ELAVL4: variants seen among roughly 807,000 people sequenced by gnomAD.
ELAVL4 encodes ELAV-like protein 4.
In ELAVL4, 1 loss-of-function variant was observed where a neutral mutation model predicts 35.6. The observed-to-expected ratio is 0.03, with a 90% confidence interval of 0.01 to 0.13. ELAVL4 has a LOEUF of 0.13. Ranked by LOEUF, ELAVL4 falls within the 10% of genes least tolerant of loss-of-function variation. ELAVL4 has a pLI of 1.00. For synonymous variants in ELAVL4, 156 were observed against 171.0 expected, an observed-to-expected ratio of 0.91 and a Z score of 0.69; for missense variants, 267 against 464.9, an observed-to-expected ratio of 0.57 and a Z score of 3.91.
At chr1:50,075,930 C>T (rs1000503012) in intron 1 of ELAVL4, among the ~76,000 whole-genome samples, 5 of 152,038 alleles carry the variant, frequency 3.3e-5, no homozygotes, top group Non-Finnish European at 7.4e-5. Context: ...CGGGTTCAAG[C>T]GATTCTCATG....
At chr1:50,100,049 T>C (rs1454704545), upstream of ELAVL4, among the ~76,000 whole-genome samples, 1 of 152,230 alleles carries the variant, frequency 6.6e-6, no homozygotes, top group East Asian at 1.9e-4. Flanking sequence ...TGGTATGTTA[T>C]AGAGAAAAGA....
chr1:50,101,555 C>G (rs542790173), upstream of ELAVL4, among the ~76,000 whole-genome samples: 39 of 151,924 alleles, frequency 2.6e-4, 2 homozygotes, highest in South Asian at 7.7e-3. Flanking sequence ...GCATGACTTT[C>G]ACCTTCCCTT....
intron 1 of ELAVL4, among the ~76,000 whole-genome samples, chr1:50,117,932 CCTAG>C (rs2148573052): frequency 6.6e-6 from 1 of 152,212 alleles, no homozygotes; most frequent in South Asian, 2.1e-4. Context: ...TCTGCATCCT[CCTAG>C]GATTTCACAA....
intron 5 of ELAVL4, 55 bp downstream of exon 5, chr1:50,195,841 G>C: frequency 6.3e-7 from 1 of 1,599,086 alleles, no homozygotes; most frequent in Admixed American, 1.7e-5. Flanking sequence ...AGCTGGGCAA[G>C]AGCCAGGGAA....
chr1:50,116,922 C>T (rs1572238544), intron 1 of ELAVL4, among the ~76,000 whole-genome samples: 1 of 152,118 alleles, frequency 6.6e-6, no homozygotes, highest in African/African-American at 2.4e-5. Flanking sequence ...AGTACAGTTC[C>T]CACAAGTCCA....
intron 1 of ELAVL4, among the ~76,000 whole-genome samples, chr1:50,078,302 G>T (rs983551723): frequency 6.6e-6 from 1 of 152,066 alleles, no homozygotes; most frequent in African/African-American, 2.4e-5. Context: ...AATATGGAGT[G>T]GGGGAAGTGA....
At chr1:50,169,863 T>C (rs746840442) in intron 2 of ELAVL4, among the ~76,000 whole-genome samples, 1 of 152,196 alleles carries the variant, frequency 6.6e-6, no homozygotes, top group African/African-American at 2.4e-5. Flanking sequence ...GTTATATGTA[T>C]TATTTTTGCT....
At chr1:50,052,372 G>T (rs1572093518) in intron 1 of ELAVL4, among the ~76,000 whole-genome samples, 1 of 152,130 alleles carries the variant, frequency 6.6e-6, no homozygotes, top group Admixed American at 6.5e-5. Flanking sequence ...TATAACTGAA[G>T]CTGAGTTAGG....
intron 1 of ELAVL4, among the ~76,000 whole-genome samples, chr1:50,116,316 C>T (rs1667930360): frequency 1.3e-5 from 2 of 151,960 alleles, no homozygotes. Context: ...CAGATAGTGA[C>T]CGTTTTGGCA....
intron 1 of ELAVL4, among the ~76,000 whole-genome samples, chr1:50,136,346 T>C (rs757601871): frequency 3.3e-5 from 5 of 152,188 alleles, no homozygotes; most frequent in Non-Finnish European, 7.3e-5. Flanking sequence ...GAGTCTAACA[T>C]ACTACATGTC....
intron 1 of ELAVL4, among the ~76,000 whole-genome samples, chr1:50,133,637 AAGAAAG>A (rs1557755279): frequency 6.7e-6 from 1 of 148,764 alleles, no homozygotes; most frequent in Non-Finnish European, 1.5e-5. Flanking sequence ...GAAAGAAAGA[AAGAAAG>A]AAAGAAAGAG....
upstream of ELAVL4, among the ~76,000 whole-genome samples, chr1:50,102,096 G>C (rs1272752252): frequency 1.3e-5 from 2 of 152,038 alleles, no homozygotes; most frequent in African/African-American, 4.8e-5. Flanking sequence ...GACCATCCTG[G>C]CTAACACGGT....
In ELAVL4 at chr1:50,157,428, C is replaced by A. The variant is rs1214360747; in HGVS notation, c.250+12231C>A. Among the ~76,000 whole-genome samples the A allele has an allele frequency of 3.3e-5, 5 of 152,090 alleles. No individual in the cohort carries two copies. The South Asian group carries it at 1.0e-3, about 32-fold the overall frequency. On this transcript the variant is annotated intron_variant, in intron 2 of 6. Coordinates refer to ENST00000371824, the MANE Select transcript of ELAVL4 (RefSeq NM_001144774.3). The stretch of plus-strand genomic sequence containing the variant: ...GAGGGTAAAACAAACCCTTAAACCC[C>A]CTGTGATAAGCTATCTTTCCTTCCT...
intron 2 of ELAVL4, among the ~76,000 whole-genome samples, chr1:50,162,715 C>A (rs922465823): frequency 6.6e-6 from 1 of 152,118 alleles, no homozygotes; most frequent in Admixed American, 6.5e-5. Flanking sequence ...ACCCAAGTAG[C>A]TGGGACCACA....
intron 2 of ELAVL4, among the ~76,000 whole-genome samples, chr1:50,157,146 A>T (rs777045002): frequency 9.2e-5 from 14 of 152,108 alleles, no homozygotes; most frequent in Admixed American, 4.6e-4. Context: ...GATTTTTTTT[A>T]AAATTAGGCC....
intron 3 of ELAVL4, among the ~76,000 whole-genome samples, chr1:50,181,984 G>C (rs1278179287): frequency 6.6e-6 from 1 of 152,162 alleles, no homozygotes. Context: ...CGCCCGGCTA[G>C]CTTTGTTTTT....
chr1:50,192,667 C>T (rs1682851580), intron 3 of ELAVL4, among the ~76,000 whole-genome samples: 1 of 152,046 alleles, frequency 6.6e-6, no homozygotes, highest in African/African-American at 2.4e-5. Context: ...TCCTGTCCAA[C>T]GTTGTCAGAT....
intron 2 of ELAVL4, among the ~76,000 whole-genome samples, chr1:50,171,246 A>G (rs1002531552): frequency 4.6e-5 from 7 of 152,082 alleles, no homozygotes; most frequent in East Asian, 1.9e-4. Context: ...TAAGAAGGAG[A>G]AGAGACCCCC....
chr1:50,074,513 T>G (rs1221387102), intron 1 of ELAVL4, among the ~76,000 whole-genome samples: 1 of 152,178 alleles, frequency 6.6e-6, no homozygotes, highest in Non-Finnish European at 1.5e-5. Flanking sequence ...TGAGGCTGAT[T>G]ATATGTCCGG....
Sources: allele counts gnomAD v4.1 joint callset (sites outside exome capture counted in the v4.1 genomes callset), GRCh38; gene constraint gnomAD v4.1.1; transcripts MANE v1.5; gene names NCBI Gene and HGNC (gene_info 2026-07-23, HGNC 2026-07-21).